The following CAST variants were observed in gnomAD, a reference collection of about 807,000 sequenced individuals.
The protein encoded by CAST is MIR583 host.
In CAST, 76 loss-of-function variants were observed where a neutral mutation model predicts 119.6. The observed-to-expected ratio is 0.64, with a 90% CI of 0.53 to 0.77. The LOEUF is 0.77. CAST is among the 30% of genes least tolerant of loss of function. The pLI, the probability that CAST is intolerant of heterozygous loss-of-function variation, is 0.00. For missense variants in CAST, 953 were observed against 946.5 expected (o/e 1.01, Z -0.09); for synonymous variants, 319 against 331.6 (o/e 0.96, Z 0.41).
chr5:96,142,840 C>A, the CAST span, among the ~76,000 whole-genome samples: 17 of 152,194 alleles, frequency 1.1e-4, no homozygotes, highest in African/African-American at 4.1e-4. Flanking sequence ...ATCTGAAACA[C>A]CTTCACAGGG....
At chr5:96,665,725 A>AACACAC (rs143855509) in intron 1 of CAST, among the ~76,000 whole-genome samples, 2 of 150,650 alleles carry the variant, frequency 1.3e-5, no homozygotes, top group African/African-American at 4.9e-5. Flanking sequence ...GCCAGTTTAT[A>AACACAC]ACACACACAC....
At chr5:96,097,222 T>C in the CAST span, among the ~76,000 whole-genome samples, 2 of 152,152 alleles carry the variant, frequency 1.3e-5, no homozygotes, top group Admixed American at 6.6e-5. Context: ...TGGAGGGCTC[T>C]GATTTAGTTA....
chr5:96,117,677 A>C, the CAST span, among the ~76,000 whole-genome samples: 4 of 152,214 alleles, frequency 2.6e-5, no homozygotes, highest in Admixed American at 6.6e-5. Context: ...GTGCCCATTT[A>C]TGCCTCCAAG....
intron 29 of CAST, among the ~76,000 whole-genome samples, 187 bp downstream of exon 29, chr5:96,768,186 C>T (rs910765412): frequency 3.9e-5 from 6 of 152,146 alleles, no homozygotes; most frequent in Non-Finnish European, 5.9e-5. Flanking sequence ...TGGGCTCAAG[C>T]AATCCTCCTA....
At chr5:96,248,576 G>A in the CAST span, among the ~76,000 whole-genome samples, 27 of 152,178 alleles carry the variant, frequency 1.8e-4, no homozygotes, top group Non-Finnish European at 1.8e-4. Flanking sequence ...AGATAGAAAT[G>A]GGTTAGAGTA....
the CAST span, among the ~76,000 whole-genome samples, chr5:96,182,799 C>T: frequency 1.3e-5 from 2 of 151,946 alleles, no homozygotes; most frequent in South Asian, 2.1e-4. Context: ...TTACTTTTTG[C>T]GGGTGTTTGT....
At chr5:96,456,374 C>A in the CAST span, among the ~76,000 whole-genome samples, 2 of 152,152 alleles carry the variant, frequency 1.3e-5, no homozygotes, top group East Asian at 3.8e-4. Flanking sequence ...ATCATGAAAA[C>A]CTCTATTCCC....
the CAST span, among the ~76,000 whole-genome samples, chr5:96,107,737 G>A: frequency 7.2e-5 from 11 of 152,130 alleles, no homozygotes; most frequent in African/African-American, 1.4e-4. Flanking sequence ...TCTTTGTGGC[G>A]TTCTCTGTAT....
the CAST span, among the ~76,000 whole-genome samples, chr5:96,341,425 T>C: frequency 6.7e-6 from 1 of 148,618 alleles, no homozygotes; most frequent in African/African-American, 2.5e-5. Context: ...CAAGATACTA[T>C]GTTTGAAACC....
At chr5:96,527,593 G>C (rs1214532947), upstream of CAST, among the ~76,000 whole-genome samples, 1 of 152,156 alleles carries the variant, frequency 6.6e-6, no homozygotes, top group Admixed American at 6.5e-5. Context: ...ACAAGCTAAT[G>C]TCAGTATCGT....
At chr5:96,250,514 T>C in the CAST span, among the ~76,000 whole-genome samples, 1 of 152,144 alleles carries the variant, frequency 6.6e-6, no homozygotes, top group Non-Finnish European at 1.5e-5. Flanking sequence ...TGCCTCCCTG[T>C]TAGGGAGCTC....
At chr5:96,266,263 T>C in the CAST span, among the ~76,000 whole-genome samples, 3 of 152,054 alleles carry the variant, frequency 2.0e-5, no homozygotes, top group Admixed American at 2.0e-4. Context: ...ATTAAAAATT[T>C]CCCCCAACCC....
the CAST span, among the ~76,000 whole-genome samples, chr5:96,493,626 G>C: frequency 6.6e-6 from 1 of 152,200 alleles, no homozygotes; most frequent in Admixed American, 6.5e-5. Flanking sequence ...AGGTTTAATG[G>C]TGTTACACAG....
chr5:96,160,094 T>C, the CAST span, among the ~76,000 whole-genome samples: 1 of 151,696 alleles, frequency 6.6e-6, no homozygotes, highest in African/African-American at 2.4e-5. Flanking sequence ...GAGCCAAGAT[T>C]GCACCACTGC....
chr5:96,302,192 G>C, the CAST span, among the ~76,000 whole-genome samples: 1 of 152,060 alleles, frequency 6.6e-6, no homozygotes, highest in Non-Finnish European at 1.5e-5. Flanking sequence ...GATGTATCTG[G>C]GGTCCTTTTA....
intron 1 of CAST, among the ~76,000 whole-genome samples, chr5:96,531,479 G>A (rs1745686975): frequency 6.6e-6 from 1 of 152,190 alleles, no homozygotes; most frequent in Non-Finnish European, 1.5e-5. Context: ...CCAGCTTCTA[G>A]AGATTGCCTA....
the CAST span, among the ~76,000 whole-genome samples, chr5:96,125,528 A>G: frequency 6.6e-6 from 1 of 152,170 alleles, no homozygotes; most frequent in Non-Finnish European, 1.5e-5. Flanking sequence ...CTGACTTTGA[A>G]TCCTGGCTCT....
chr5:96,572,352 C>G (rs6868440), intron 1 of CAST, among the ~76,000 whole-genome samples: 44,499 of 151,906 alleles, frequency 0.29, 6,776 homozygotes, highest in East Asian at 0.57. Context: ...AGGCACACAC[C>G]ACCACACCCA....
At chr5:96,705,359 T>G (rs1283773328) in intron 3 of CAST, among the ~76,000 whole-genome samples, 1 of 151,980 alleles carries the variant, frequency 6.6e-6, no homozygotes, top group East Asian at 1.9e-4. Flanking sequence ...AAAAAAGAAT[T>G]GAGCCATACC....
Sources: gnomAD v4.1 joint callset for allele counts (sites outside exome capture counted in the v4.1 genomes callset) on GRCh38, gnomAD v4.1.1 for gene constraint, MANE v1.5 for transcripts, NCBI Gene and HGNC (gene_info 2026-07-23, HGNC 2026-07-21) for gene names.